The following NEU4 variants were observed in gnomAD, a reference collection of about 807,000 sequenced individuals.
NEU4 encodes neuraminidase 4.
Under a neutral mutation model 9.9 loss-of-function variants are expected in NEU4, and 7 were observed. The observed-to-expected ratio is 0.71, with a 90% CI of 0.40 to 1.33. The LOEUF (loss-of-function observed/expected upper bound fraction) is 1.33, where lower values mean the gene tolerates loss of function less well. Among genes scored for constraint, NEU4 ranks in the 40% most tolerant of loss-of-function variants. NEU4 has a pLI of 0.01. For missense variants in NEU4, 717 were observed against 712.6 expected (o/e 1.01, Z -0.07); for synonymous variants, 348 against 316.9 (o/e 1.10, Z -1.04).
Position 241,817,073 on chromosome 2 carries a change from C to T in NEU4, c.*25C>T, listed in dbSNP as rs568111650. Reference sequence around the variant, plus strand: ...ACAGGCCTTCTGGCCGTGCCCATGCCCCTTGGGTGCCTGGGGCAGAGGGGT... The same window carrying T: ...ACAGGCCTTCTGGCCGTGCCCATGCTCCTTGGGTGCCTGGGGCAGAGGGGT... On this transcript the variant is annotated 3_prime_UTR_variant, in exon 4 of 4. Transcript: ENST00000407683. 1.5e-4 allele frequency: 225 copies of T among 1,535,652 alleles called. 2 individuals carry two copies. The South Asian group carries it at 2.6e-3, about 18-fold the overall frequency.
Position 241,816,074 on chromosome 2 carries a change from C to T in NEU4, c.481C>T (p.Pro161Ser). ...AGACTGGGCCACATTCGCTGTGGGT[C>T]CCGGCCACGGTGTGCAGCTGCCCTC... Reference protein sequence around the residue: ...VQDWATFAVGPGHGVQLPSGR... With the variant: ...VQDWATFAVGSGHGVQLPSGR... The change falls in exon 4 of 4, where the codon CCC becomes TCC. Residue 161 changes from proline (P) to serine (S), a missense_variant. By Grantham distance (74) the Pro-to-Ser change is moderately conservative. Transcript: ENST00000407683. 2 of 1,607,948 alleles carry T rather than the reference C, an allele frequency of 1.2e-6. No individual in the cohort carries two copies. Among genetic ancestry groups the T allele is most frequent in the Admixed American group, 1.7e-5 (1 of 59,550 alleles).
At position 241,816,830 on chromosome 2, in the gene NEU4, T is replaced by G. The variant is rs758451780; in HGVS notation, c.1237T>G (p.Tyr413Asp). 6.2e-7 allele frequency: 1 copy of G among 1,610,196 alleles called. No homozygotes were observed. The highest frequency in any genetic ancestry group is 8.5e-7 in the Non-Finnish European group (1 of 1,178,926). The change falls in exon 4 of 4, where the codon TAC becomes GAC. Residue 413 changes from tyrosine (Y) to aspartate (D), a missense_variant. Physicochemically the swap from Tyr to Asp is radical, Grantham distance 160 (BLOSUM62 -3). Transcript: ENST00000407683. ...PRSWTEPWVI[Y>D]EGPSGYSDLA... ...CAGCTGGACAGAGCCCTGGGTGATC[T>G]ACGAGGGCCCCAGCGGCTACTCCGA...
intron 1 of NEU4, chr2:241,813,491 G>T: frequency 1.7e-6 from 2 of 1,180,006 alleles, no homozygotes; most frequent in South Asian, 1.6e-5. Context: ...GCCTTTGTGC[G>T]ATCAGACTGA....
intron 1 of NEU4, among the ~76,000 whole-genome samples, chr2:241,812,811 T>C (rs1490312084): frequency 1.3e-5 from 2 of 152,016 alleles, no homozygotes; most frequent in Admixed American, 6.5e-5. Flanking sequence ...TCCCTCTCTG[T>C]CCCCAGGGGT....
intron 3 of NEU4, chr2:241,815,543 G>A: frequency 2.0e-6 from 1 of 508,618 alleles, no homozygotes; most frequent in Non-Finnish European, 3.9e-6. Flanking sequence ...ATCTGCAGAG[G>A]AGAAGGCTGG....
Position 241,814,682 on chromosome 2 carries a change from G to T in NEU4, c.198G>T (p.Val66=), listed in dbSNP as rs768908877. The T allele has an allele frequency of 2.6e-6, 4 of 1,548,370 alleles. No individual in the cohort carries two copies. Among genetic ancestry groups the T allele is most frequent in the Non-Finnish European group, 3.5e-6 (4 of 1,149,416 alleles). ...GGGGCACGCTGGCCGGGGGCTCCGT[G>T]CGGGTGAGTGAGTGGCCGGGGGCTC... ...LRRGTLAGGS[V]RWGALHVLGT... Residue 66 remains valine (V), a synonymous_variant, in exon 2 of 4, where the codon GTG becomes GTT. Coordinates refer to ENST00000407683, the MANE Select transcript of NEU4 (RefSeq NM_001167600.3).
Position 241,816,259 on chromosome 2 carries a change from G to A in NEU4, c.666G>A (p.Glu222=), listed in dbSNP as rs1700334127. Residue 222 remains glutamate, a synonymous_variant, in exon 4 of 4, where the codon GAG becomes GAA. Transcript: ENST00000407683. Reference sequence around the variant, plus strand: ...TCGTGCCCAACCTGCGCTCAGGCGAGTGCCAGCTGGCAGCGGTGGACGGTG... The same window carrying A: ...TCGTGCCCAACCTGCGCTCAGGCGAATGCCAGCTGGCAGCGGTGGACGGTG... ...GGLVPNLRSG[E]CQLAAVDGGQ... 6.2e-7 allele frequency: 1 copy of A among 1,602,702 alleles called. No homozygotes were observed. The highest frequency in any genetic ancestry group is 8.5e-7 in the Non-Finnish European group (1 of 1,175,582).
intron 3 of NEU4, chr2:241,815,545 G>A (rs1438481104): frequency 3.9e-6 from 2 of 506,870 alleles, no homozygotes; most frequent in Non-Finnish European, 7.9e-6. Context: ...CTGCAGAGGA[G>A]AAGGCTGGAC....
At position 241,813,045 on chromosome 2, in the gene NEU4, T is replaced by C. The variant is rs117036420; in HGVS notation, c.-3-1437T>C. On this transcript the variant is annotated intron_variant, in intron 1 of 3. Coordinates refer to ENST00000407683, the MANE Select transcript of NEU4 (RefSeq NM_001167600.3). ...GCTCTCAGAAGCCGCGCACTGGTGG[T>C]GGGGGAGCGGCAGGAAGGGGCCGGC... Among the ~76,000 whole-genome samples the C allele has an allele frequency of 0.044, 6,660 of 152,186 alleles. 969 individuals carry two copies. The East Asian group carries it at 0.48, about 11-fold the overall frequency.
At chr2:241,813,458 C>T (rs1700192003) in intron 1 of NEU4, 16 of 1,155,226 alleles carry the variant, frequency 1.4e-5, no homozygotes, top group Middle Eastern at 4.0e-4. Context: ...CCGGGCTGTG[C>T]GTGCTCACGC....
chr2:241,811,010 G>T, intron 1 of NEU4: 1 of 1,038,728 alleles, frequency 9.6e-7, no homozygotes, highest in Non-Finnish European at 1.2e-6. Flanking sequence ...GAGGGGCTGT[G>T]CTGTGCCAGG....
chr2:241,811,596 G>A, intron 1 of NEU4: 1 of 716,396 alleles, frequency 1.4e-6, no homozygotes, highest in Non-Finnish European at 2.0e-6. Context: ...CCCACTCCTT[G>A]CCAACCCCAG....
rs147362605 is a variant in NEU4, at chr2:241,816,975, T to C, written c.1382T>C (p.Leu461Pro). The C allele has an allele frequency of 2.1e-3, 3,321 of 1,611,604 alleles. 8 individuals carry two copies. Among genetic ancestry groups the C allele is most frequent in the Non-Finnish European group, 2.4e-3 (2,800 of 1,179,432 alleles). The change falls in exon 4 of 4, where the codon CTG becomes CCG. Residue 461 changes from leucine to proline, a missense_variant. Leu to Pro is a moderately conservative substitution (Grantham distance 98, BLOSUM62 -3). Transcript: ENST00000407683. ...SFCTFSLREV[L>P]ENVPASPKPP... ...TGTACATTCTCCCTGCGTGAGGTCC[T>C]GGAGAACGTGCCCGCCAGCCCCAAA...
In NEU4 at chr2:241,816,686, C is replaced by T. The variant is rs770686273; in HGVS notation, c.1093C>T (p.Pro365Ser). 4 of 1,531,900 alleles carry T rather than the reference C, an allele frequency of 2.6e-6. No individual in the cohort carries two copies. In the South Asian group the frequency reaches 5.1e-5, roughly 19 times the overall value. 94.9% of individuals were successfully genotyped at this position (1,531,900 alleles called of 1,614,324 possible). Reference sequence around the variant, plus strand: ...TGTGGGGTCCTGGACCCTGGCACTCCCCATGCCCTTTGCTGCCCCGCCCCA... The same window carrying T: ...TGTGGGGTCCTGGACCCTGGCACTCTCCATGCCCTTTGCTGCCCCGCCCCA... ...GDVGSWTLAL[P>S]MPFAAPPQSP... The change falls in exon 4 of 4, where the codon CCC (proline) becomes TCC (serine). Residue 365 changes from proline to serine, a missense_variant. Physicochemically the swap from Pro to Ser is moderately conservative, Grantham distance 74 (BLOSUM62 -1). Transcript: ENST00000407683.
chr2:241,811,019 G>C, intron 1 of NEU4: 1 of 1,048,592 alleles, frequency 9.5e-7, no homozygotes, highest in Non-Finnish European at 1.1e-6. Flanking sequence ...TGCTGTGCCA[G>C]GGGAGGCCCC....
Position 241,816,523 on chromosome 2 carries a change from T to C in NEU4, c.930T>C (p.Gly310=). Residue 310 remains glycine, a synonymous_variant, in exon 4 of 4, where the codon GGT becomes GGC. Transcript: ENST00000407683. Reference sequence around the variant, plus strand: ...GTCCCCTCCAGCCTCCACTCCTCGGTCCTGGAGTCCACGAACCCCCAGAGG... The same window carrying C: ...GTCCCCTCCAGCCTCCACTCCTCGGCCCTGGAGTCCACGAACCCCCAGAGG... ...PGSPLQPPLL[G]PGVHEPPEEA... 6.2e-7 allele frequency: 1 copy of C among 1,611,732 alleles called. No homozygotes were observed. The highest frequency in any genetic ancestry group is 8.5e-7 in the Non-Finnish European group (1 of 1,179,680).
rs1700366495 is a variant in NEU4, at chr2:241,816,866, A to G, written c.1273A>G (p.Ile425Val). 3.7e-6 allele frequency: 6 copies of G among 1,612,404 alleles called. No individual in the cohort carries two copies. The highest frequency in any genetic ancestry group is 4.2e-6 in the Non-Finnish European group (5 of 1,179,784). The change falls in exon 4 of 4, where the codon ATC (isoleucine) becomes GTC (valine). Residue 425 changes from isoleucine to valine, a missense_variant. Ile to Val is a conservative substitution (Grantham distance 29). Transcript: ENST00000407683. Reference sequence around the variant, plus strand: ...CAGCGGCTACTCCGACCTGGCGTCCATCGGGCCGGCCCCTGAGGGGGGCCT... The same window carrying G: ...CAGCGGCTACTCCGACCTGGCGTCCGTCGGGCCGGCCCCTGAGGGGGGCCT... ...GPSGYSDLAS[I>V]GPAPEGGLVF...
At position 241,816,879 on chromosome 2, in the gene NEU4, C is replaced by A; in HGVS notation, c.1286C>A (p.Pro429His). Residue 429 changes from proline (P) to histidine (H), a missense_variant, in exon 4 of 4, where the codon CCT (proline) becomes CAT (histidine). Pro to His is a moderately conservative substitution (Grantham distance 77, BLOSUM62 -2). Coordinates refer to ENST00000407683, the MANE Select transcript of NEU4 (RefSeq NM_001167600.3). ...GACCTGGCGTCCATCGGGCCGGCCC[C>A]TGAGGGGGGCCTGGTTTTTGCCTGC... ...YSDLASIGPA[P>H]EGGLVFACLY... is the part of the protein sequence containing the mutation. The A allele has an allele frequency of 6.2e-7, 1 of 1,612,704 alleles. No individual in the cohort carries two copies.
intron 3 of NEU4, 124 bp downstream of exon 3, chr2:241,815,271 C>T: frequency 7.8e-7 from 1 of 1,279,068 alleles, no homozygotes; most frequent in Non-Finnish European, 1.0e-6. Flanking sequence ...AACCAACCAT[C>T]CCTTTCCCCA....
Sources: allele counts gnomAD v4.1 joint callset (sites outside exome capture counted in the v4.1 genomes callset), GRCh38; gene constraint gnomAD v4.1.1; transcripts MANE v1.5; gene names NCBI Gene and HGNC (gene_info 2026-07-23, HGNC 2026-07-21).